The following DDX10 variants were observed in gnomAD, a reference collection of about 807,000 sequenced individuals.
DDX10 encodes DEAD-box helicase 10, also known as probable ATP-dependent RNA helicase DDX10.
Under a neutral mutation model 104.3 loss-of-function variants are expected in DDX10, and 74 were observed. The ratio of observed to expected loss-of-function variants is 0.71; its 90% CI spans 0.59 to 0.86. The LOEUF (loss-of-function observed/expected upper bound fraction) is 0.86. DDX10 is among the 40% of genes least tolerant of loss of function. The probability of loss-of-function intolerance (pLI) is 0.00; values close to 1 mark genes in which losing one functional copy is unlikely to be tolerated. For missense variants in DDX10, 952 were observed against 1,040.0 expected (o/e 0.92, Z 1.16); for synonymous variants, 351 against 353.4 (o/e 0.99, Z 0.08).
chr11:108,695,436 C>T (rs2094258391), intron 9 of DDX10, among the ~76,000 whole-genome samples: 1 of 152,194 alleles, frequency 6.6e-6, no homozygotes, highest in South Asian at 2.1e-4. Flanking sequence ...GATCTTTAGG[C>T]CCGAGCACAG....
intron 16 of DDX10, among the ~76,000 whole-genome samples, chr11:108,881,097 G>A (rs763300443): frequency 3.9e-5 from 6 of 151,986 alleles, no homozygotes; most frequent in Non-Finnish European, 7.4e-5. Flanking sequence ...TTCTTAATGC[G>A]TCACATGCAT....
At chr11:108,915,446 GGTTTTTTTTTT>G (rs1565317626) in intron 16 of DDX10, among the ~76,000 whole-genome samples, 3 of 97,180 alleles carry the variant, frequency 3.1e-5, no homozygotes, top group African/African-American at 2.3e-4. Flanking sequence ...TTTTTTTTTT[GGTTTTTTTTTT>G]TTTGTTTGTT....
At chr11:108,847,360 T>C (rs1862733689) in intron 15 of DDX10, among the ~76,000 whole-genome samples, 1 of 152,234 alleles carries the variant, frequency 6.6e-6, no homozygotes, top group Non-Finnish European at 1.5e-5. Flanking sequence ...TGACTTGTAC[T>C]GAAGGTGATA....
intron 16 of DDX10, among the ~76,000 whole-genome samples, chr11:108,913,844 C>G (rs957506279): frequency 6.6e-6 from 1 of 152,146 alleles, no homozygotes; most frequent in Admixed American, 6.5e-5. Flanking sequence ...CTATTTTTAA[C>G]TTAGTGACTT....
chr11:108,849,864 T>G (rs886194849), intron 15 of DDX10, among the ~76,000 whole-genome samples: 1 of 152,124 alleles, frequency 6.6e-6, no homozygotes, highest in Non-Finnish European at 1.5e-5. Context: ...TCCAGCCTTT[T>G]ATCTTTGTTT....
intron 15 of DDX10, among the ~76,000 whole-genome samples, chr11:108,842,852 G>A (rs1277474622): frequency 6.6e-6 from 1 of 152,128 alleles, no homozygotes; most frequent in African/African-American, 2.4e-5. Flanking sequence ...AGAATGTACT[G>A]CATTTCTAAG....
intron 9 of DDX10, among the ~76,000 whole-genome samples, chr11:108,700,084 G>A (rs1391107213): frequency 6.6e-6 from 1 of 152,124 alleles, no homozygotes; most frequent in African/African-American, 2.4e-5. Context: ...TACCATGTTT[G>A]TTTCCCTGGA....
intron 13 of DDX10, among the ~76,000 whole-genome samples, chr11:108,787,006 CA>C (rs36108826): frequency 0.16 from 24,182 of 152,134 alleles, 1,940 homozygotes; most frequent in East Asian, 0.24. Context: ...CAATGTTTAG[CA>C]CTCCCTTTAG....
intron 15 of DDX10, among the ~76,000 whole-genome samples, chr11:108,845,047 A>G (rs1177575063): frequency 1.3e-5 from 2 of 152,058 alleles, no homozygotes; most frequent in Non-Finnish European, 2.9e-5. Context: ...AAATACAGAA[A>G]AAAAACCAAA....
chr11:108,873,659 C>G (rs1329472553), intron 16 of DDX10, among the ~76,000 whole-genome samples: 1 of 152,134 alleles, frequency 6.6e-6, no homozygotes, highest in Admixed American at 6.5e-5. Context: ...TTCATAAAAC[C>G]TCTTCCCAGA....
chr11:108,805,310 G>A (rs1041016616), intron 13 of DDX10, among the ~76,000 whole-genome samples: 3 of 152,218 alleles, frequency 2.0e-5, no homozygotes, highest in African/African-American at 4.8e-5. Flanking sequence ...ATATGTTTGA[G>A]CCTCCACACT....
intron 1 of DDX10, among the ~76,000 whole-genome samples, chr11:108,670,487 A>C (rs1457110419): frequency 6.6e-6 from 1 of 152,218 alleles, no homozygotes; most frequent in Non-Finnish European, 1.5e-5. Flanking sequence ...GGCCTGCAGT[A>C]GCACTGCTGA....
At chr11:108,797,474 C>G (rs1861960837) in intron 13 of DDX10, among the ~76,000 whole-genome samples, 1 of 151,982 alleles carries the variant, frequency 6.6e-6, no homozygotes, top group African/African-American at 2.4e-5. Flanking sequence ...GAGATGAATG[C>G]AAAGGAATCC....
At chr11:108,917,806 C>A in intron 16 of DDX10, 67 bp from the exon 17 acceptor site, 1 of 1,538,182 alleles carries the variant, frequency 6.5e-7, no homozygotes, top group Admixed American at 1.8e-5. Context: ...TTGGGGTCTG[C>A]AAATAAAACC....
At chr11:108,934,827 T>G (rs756812338) in intron 17 of DDX10, among the ~76,000 whole-genome samples, 26 of 152,140 alleles carry the variant, frequency 1.7e-4, no homozygotes, top group Non-Finnish European at 3.1e-4. Context: ...ACACTGGAAC[T>G]TGTGATATTA....
chr11:108,919,909 CCTGTTAATTGG>C (rs1348366549), intron 17 of DDX10: 2 of 151,924 alleles, frequency 1.3e-5, no homozygotes, highest in Non-Finnish European at 2.9e-5. Flanking sequence ...TGTGTTTCAT[CCTGTTAATTGG>C]CTGTAAATGT....
rs114070047 is a variant in DDX10, at chr11:108,913,396, G to A, written c.2305-4477G>A. 3.3e-3 allele frequency among the ~76,000 whole-genome samples: 507 copies of A among 152,238 alleles called. 5 individuals are homozygous for A. Among genetic ancestry groups the A allele is most frequent in the African/African-American group, 0.012 (485 of 41,542 alleles). On this transcript the variant is annotated intron_variant, in intron 16 of 17. Coordinates refer to ENST00000322536, the MANE Select transcript of DDX10 (RefSeq NM_004398.4). The stretch of plus-strand genomic sequence containing the variant: ...AATTCACATGTGAGGCGGAGGTAGA[G>A]GAATCATCATTCCTGCCTTAGTCTG...
intron 13 of DDX10, among the ~76,000 whole-genome samples, chr11:108,778,356 A>G (rs2094372994): frequency 1.3e-5 from 2 of 152,192 alleles, no homozygotes; most frequent in Admixed American, 6.5e-5. Flanking sequence ...ATATAGACCA[A>G]TGGAACAGAA....
chr11:108,869,024 A>G (rs1372228891), intron 16 of DDX10, among the ~76,000 whole-genome samples: 2 of 151,006 alleles, frequency 1.3e-5, no homozygotes, highest in African/African-American at 2.4e-5. Flanking sequence ...GCTAAGGTAA[A>G]CTCTCCTTTT....
Sources: allele counts gnomAD v4.1 joint callset (sites outside exome capture counted in the v4.1 genomes callset), GRCh38; gene constraint gnomAD v4.1.1; transcripts MANE v1.5; gene names NCBI Gene and HGNC (gene_info 2026-07-23, HGNC 2026-07-21).